JAK2: variants seen among roughly 807,000 people sequenced by gnomAD.
The protein encoded by JAK2 is Janus kinase 2.
JAK2 carries 86 observed loss-of-function variants against 139.3 expected under a neutral mutation model. That is an observed-to-expected ratio of 0.62 (90% CI 0.52 to 0.74). The LOEUF (loss-of-function observed/expected upper bound fraction) is 0.74. Ranked by LOEUF, JAK2 falls within the 30% of genes least tolerant of loss-of-function variation. The pLI is 0.00. For synonymous variants in JAK2, 490 were observed against 437.7 expected, an observed-to-expected ratio of 1.12 and a Z score of -1.49; for missense variants, 1,421 against 1,360.3, an observed-to-expected ratio of 1.04 and a Z score of -0.70.
Position 5,054,839 on chromosome 9 carries a change from G to T in JAK2, c.891G>T (p.Gln297His). 6.2e-7 allele frequency: 1 copy of T among 1,611,210 alleles called. No homozygotes were observed. The highest frequency in any genetic ancestry group is 1.3e-5 in the African/African-American group (1 of 74,704). ...TAATAACTGGAAACGGTGGAATTCA[G>T]TGGTCAAGAGGGAAACATAAAGAAA... ...TIIITGNGGI[Q>H]WSRGKHKESE... Residue 297 changes from glutamine (Q) to histidine (H), a missense_variant, in exon 7 of 25, where the codon CAG (glutamine) becomes CAT (histidine). Coordinates refer to ENST00000381652, the MANE Select transcript of JAK2 (RefSeq NM_004972.4). The surrounding 1 kb of genome is among the most constrained non-coding windows in gnomAD (Gnocchi z 4.9).
At chr9:5,081,042 C>T (rs981595818) in intron 18 of JAK2, among the ~76,000 whole-genome samples, 1 of 151,528 alleles carries the variant, frequency 6.6e-6, no homozygotes, top group African/African-American at 2.4e-5. Flanking sequence ...ACTACAGGCG[C>T]CCGCCACCAC....
intron 22 of JAK2, chr9:5,112,410 G>A: frequency 4.2e-6 from 2 of 471,734 alleles, no homozygotes; most frequent in South Asian, 2.6e-5. Flanking sequence ...GGAGGATGAG[G>A]AGAACACGTC....
rs1455646913 is a variant in JAK2, at chr9:5,126,943, A to G, written c.*152A>G. On this transcript the variant is annotated 3_prime_UTR_variant, in exon 25 of 25. Coordinates refer to ENST00000381652, the MANE Select transcript of JAK2 (RefSeq NM_004972.4). ...GAAAATATCTGCTCAAAACTTTCAA[A>G]GTTTAGTAAGTTTTTCTTCATGAGG... is the stretch of plus-strand genomic sequence containing the variant. 9.6e-6 allele frequency: 4 copies of G among 417,092 alleles called. No individual in the cohort carries two copies. In the Admixed American group the frequency reaches 1.3e-4, roughly 14 times the overall value. 25.8% of individuals were successfully genotyped at this position (417,092 alleles called of 1,614,324 possible).
chr9:5,059,114 C>T (rs75629019), intron 8 of JAK2, among the ~76,000 whole-genome samples: 2 of 152,118 alleles, frequency 1.3e-5, no homozygotes, highest in African/African-American at 2.4e-5. Flanking sequence ...ACTAATCTTA[C>T]GTGTATAGCT....
chr9:5,077,962 G>C (rs1369284371), intron 15 of JAK2, among the ~76,000 whole-genome samples: 1 of 152,148 alleles, frequency 6.6e-6, no homozygotes, highest in Non-Finnish European at 1.5e-5. Context: ...CCAGTCATCA[G>C]ACCCCTCAGG....
In JAK2 at chr9:5,126,447, GTAACAATTT is replaced by G; in HGVS notation, c.3291+3_3291+11del. On this transcript the variant is annotated splice_donor_variant and splice_donor_5th_base_variant and intron_variant, in intron 24 of 24. Coordinates refer to ENST00000381652, the MANE Select transcript of JAK2 (RefSeq NM_004972.4). LOFTEE classifies it high-confidence loss of function. ...AAGACCAGATGGATGCCCAGATGAG[GTAACAATTT>G]TTTTTTAATCCAGGGTAGTCATGCA... 6.3e-7 allele frequency: 1 copy of G among 1,588,112 alleles called. No homozygotes were observed. The highest frequency in any genetic ancestry group is 8.6e-7 in the Non-Finnish European group (1 of 1,161,724).
rs74715056 is a variant in JAK2 at position 5,030,080 on chromosome 9, T to C, written c.350+174T>C. On this transcript the variant is annotated intron_variant, in intron 4 of 24. Transcript: ENST00000381652. ...GTTTCTCCATCAGAGAAACTGTTTA[T>C]ACATGTTGTGTAAGTAGAATACTCT... 0.096 allele frequency among the ~76,000 whole-genome samples: 14,626 copies of C among 152,274 alleles called. 2,117 individuals are homozygous for C. The highest frequency in any genetic ancestry group is 0.32 in the African/African-American group (13,171 of 41,512).
intron 22 of JAK2, chr9:5,107,798 C>G (rs181624994): frequency 6.6e-6 from 1 of 152,082 alleles, no homozygotes. Flanking sequence ...ACATTTTACT[C>G]TAGCATCTAT....
intron 5 of JAK2, among the ~76,000 whole-genome samples, chr9:5,045,465 G>A (rs955130360): frequency 1.3e-5 from 2 of 152,148 alleles, no homozygotes; most frequent in Non-Finnish European, 2.9e-5. Context: ...CAGTTCAGTT[G>A]TATTAAGTAC....
chr9:5,122,408 G>A lies in JAK2; in HGVS notation c.3060-596G>A, dbSNP rs1823686252. ...CTTTTATAGCTTTAAGTCTTGCCTT[G>A]GAACCAATTTTTTTCTCCAGCATAT... On this transcript the variant is annotated intron_variant, in intron 22 of 24. Coordinates refer to ENST00000381652, the MANE Select transcript of JAK2 (RefSeq NM_004972.4). 3.3e-5 allele frequency among the ~76,000 whole-genome samples: 5 copies of A among 151,978 alleles called. No individual in the cohort carries two copies. The South Asian group carries it at 1.0e-3, about 32-fold the overall frequency.
At chr9:5,035,531 C>T (rs1474423095) in intron 4 of JAK2, among the ~76,000 whole-genome samples, 1 of 152,158 alleles carries the variant, frequency 6.6e-6, no homozygotes, top group East Asian at 1.9e-4. Flanking sequence ...AAAGCTTATC[C>T]ACCATGATCA....
chr9:5,068,820 T>C (rs1308001495), intron 10 of JAK2, among the ~76,000 whole-genome samples: 1 of 152,202 alleles, frequency 6.6e-6, no homozygotes, highest in Non-Finnish European at 1.5e-5. Flanking sequence ...AAATCAACTT[T>C]TAAACCACTT....
At chr9:5,085,184 A>G in intron 19 of JAK2, 1 of 656,500 alleles carries the variant, frequency 1.5e-6, no homozygotes, top group Admixed American at 1.8e-5. Context: ...AAACTGAACC[A>G]TCTCATGATC....
Position 5,069,031 on chromosome 9 carries a change from G to A in JAK2, c.1336G>A (p.Val446Ile). ...AATTAAACTTATACAGCGAGAAAAT[G>A]TCATTGAATATAAACACTGTTTGAT... Reference protein sequence around the residue: ...FLTFAVERENVIEYKHCLITK... With the variant: ...FLTFAVERENIIEYKHCLITK... The change falls in exon 11 of 25, where the codon GTC (valine) becomes ATC (isoleucine). Residue 446 changes from valine to isoleucine, a missense_variant. Transcript: ENST00000381652. 6.3e-7 allele frequency: 1 copy of A among 1,575,254 alleles called. No homozygotes were observed. Among genetic ancestry groups the A allele is most frequent in the Non-Finnish European group, 8.6e-7 (1 of 1,157,146 alleles).
intron 22 of JAK2, chr9:5,108,197 C>G (rs1822130833): frequency 6.6e-6 from 1 of 152,070 alleles, no homozygotes; most frequent in African/African-American, 2.4e-5. Flanking sequence ...CACAAAAAAG[C>G]TCTATATTTC....
chr9:5,082,943 G>A (rs1819814736), intron 19 of JAK2, among the ~76,000 whole-genome samples: 1 of 152,186 alleles, frequency 6.6e-6, no homozygotes, highest in Non-Finnish European at 1.5e-5. Context: ...AATTTCTTAT[G>A]TCTTCCTTTT....
intron 22 of JAK2, among the ~76,000 whole-genome samples, chr9:5,122,578 C>T (rs570495316): frequency 6.6e-6 from 1 of 152,166 alleles, no homozygotes; most frequent in South Asian, 2.1e-4. Flanking sequence ...GTCAGAGATT[C>T]CCAAGACCAT....
intron 5 of JAK2, among the ~76,000 whole-genome samples, chr9:5,048,671 T>C (rs1817201196): frequency 1.3e-5 from 2 of 152,240 alleles, no homozygotes; most frequent in African/African-American, 2.4e-5. Context: ...TGGTTCTTAA[T>C]AGTTTATTTT....
chr9:5,018,847 T>C (rs1046795634), intron 2 of JAK2, among the ~76,000 whole-genome samples: 2 of 152,250 alleles, frequency 1.3e-5, no homozygotes, highest in Admixed American at 1.3e-4. Flanking sequence ...ATTCTCTTCC[T>C]GGCCTGTAAT....
Sources: gnomAD v4.1 joint callset for allele counts (sites outside exome capture counted in the v4.1 genomes callset) on GRCh38, gnomAD v4.1.1 for gene constraint, Gnocchi (gnomAD v3.1) non-coding constraint, MANE v1.5 for transcripts, NCBI Gene and HGNC (gene_info 2026-07-23, HGNC 2026-07-21) for gene names.